Variants in RAI14 observed in about 807,000 individuals in gnomAD.
The protein encoded by RAI14 is retinoic acid induced 14.
RAI14 carries 45 observed loss-of-function variants against 115.4 expected under a neutral mutation model. The observed-to-expected ratio is 0.39, with a 90% CI of 0.31 to 0.50. The LOEUF (loss-of-function observed/expected upper bound fraction) is 0.50, where lower values mean the gene tolerates loss of function less well. Ranked by LOEUF, RAI14 falls within the 20% of genes least tolerant of loss-of-function variation. RAI14 has a pLI of 0.85. For synonymous variants in RAI14, 371 were observed against 415.4 expected (o/e 0.89, Z 1.30); for missense variants, 939 against 1,131.2 (o/e 0.83, Z 2.44).
chr5:34,718,985 C>T (rs1428602531), intron 2 of RAI14, among the ~76,000 whole-genome samples: 4 of 152,174 alleles, frequency 2.6e-5, no homozygotes, highest in Non-Finnish European at 4.4e-5. Flanking sequence ...TTCATTTAGC[C>T]GGTACTGTAT....
At chr5:34,775,937 G>T (rs1198976513) in intron 3 of RAI14, among the ~76,000 whole-genome samples, 1 of 152,146 alleles carries the variant, frequency 6.6e-6, no homozygotes, top group Non-Finnish European at 1.5e-5. Flanking sequence ...CAAAAGAATG[G>T]AAATTGCTAT....
intron 13 of RAI14, among the ~76,000 whole-genome samples, chr5:34,821,194 T>A (rs1756788422): frequency 6.6e-6 from 1 of 152,202 alleles, no homozygotes; most frequent in Non-Finnish European, 1.5e-5. Flanking sequence ...CCCAGAGGAA[T>A]GACCCAATCA....
intron 2 of RAI14, among the ~76,000 whole-genome samples, chr5:34,731,053 C>G (rs1038461790): frequency 9.2e-5 from 14 of 152,082 alleles, no homozygotes; most frequent in Admixed American, 9.2e-4. Context: ...CATAAGGCTA[C>G]CTTTGATGTA....
rs142833659 is a variant in RAI14 at position 34,680,520 on chromosome 5, A to G, written c.-48-6352A>G. On this transcript the variant is annotated intron_variant, in intron 1 of 17. Coordinates refer to ENST00000265109, the MANE Select transcript of RAI14 (RefSeq NM_015577.3). ...TCATTCTTAAAGTCTTCATCCCTTA[A>G]TACTATTACATTGGCAATTAAGTTT... Among the ~76,000 whole-genome samples the G allele has an allele frequency of 4.3e-4, 65 of 152,348 alleles. No homozygotes were observed. The East Asian group carries it at 0.011, about 27-fold the overall frequency.
intron 2 of RAI14, among the ~76,000 whole-genome samples, chr5:34,713,124 T>G (rs1057465757): frequency 6.6e-6 from 1 of 152,190 alleles, no homozygotes; most frequent in African/African-American, 2.4e-5. Context: ...GTGCCACTTG[T>G]ACCCAACATT....
chr5:34,752,185 T>C (rs1747116416), intron 2 of RAI14, among the ~76,000 whole-genome samples: 1 of 150,208 alleles, frequency 6.7e-6, no homozygotes, highest in Non-Finnish European at 1.5e-5. Context: ...AAATTGGCCT[T>C]TTAAAAAAGT....
intron 2 of RAI14, among the ~76,000 whole-genome samples, chr5:34,728,366 G>C (rs1743743639): frequency 6.6e-6 from 1 of 152,146 alleles, no homozygotes; most frequent in Non-Finnish European, 1.5e-5. Flanking sequence ...CATGAGATTT[G>C]GGAGGGGCCA....
intron 4 of RAI14, among the ~76,000 whole-genome samples, chr5:34,798,046 T>C (rs1753740803): frequency 6.6e-6 from 1 of 152,254 alleles, no homozygotes; most frequent in Non-Finnish European, 1.5e-5. Flanking sequence ...TTTTGTTTGT[T>C]TGTTTTTGAG....
At chr5:34,687,757 C>T (rs1421777304) in intron 2 of RAI14, 4 of 1,544,560 alleles carry the variant, frequency 2.6e-6, no homozygotes, top group African/African-American at 1.4e-5. Context: ...GTTCAGCTAT[C>T]ATTTCAGGCG....
Position 34,826,462 on chromosome 5 carries a change from C to G in RAI14, c.2782C>G (p.Leu928Val). The G allele has an allele frequency of 6.2e-7, 1 of 1,613,662 alleles. No individual in the cohort carries two copies. Among genetic ancestry groups the G allele is most frequent in the Non-Finnish European group, 8.5e-7 (1 of 1,179,772 alleles). The change falls in exon 16 of 18, where the codon CTC becomes GTC. Residue 928 changes from leucine (L) to valine (V), a missense_variant. Coordinates refer to ENST00000265109, the MANE Select transcript of RAI14 (RefSeq NM_015577.3). ...GGCGCTGCAGCAGCAAGTCAAACAG[C>G]TCCAGAACCAGCTGGCGGTGAGTGG... ...LEALQQQVKQ[L>V]QNQLAECKKQ...
At chr5:34,808,528 C>A (rs1240119750) in intron 6 of RAI14, 56 bp from the exon 7 acceptor site, 8 of 1,487,332 alleles carry the variant, frequency 5.4e-6, no homozygotes, top group East Asian at 2.3e-5. Flanking sequence ...ATCTGATACC[C>A]CTGGTTGTGA....
At chr5:34,724,289 T>TA (rs1002703473) in intron 2 of RAI14, among the ~76,000 whole-genome samples, 3 of 152,162 alleles carry the variant, frequency 2.0e-5, no homozygotes, top group African/African-American at 7.2e-5. Context: ...GTGCTGGGAT[T>TA]ACAGGTGTGA....
rs764589511 is a variant in RAI14, at chr5:34,823,086, T to C, written c.1244T>C (p.Val415Ala). 6.2e-7 allele frequency: 1 copy of C among 1,612,906 alleles called. No individual in the cohort carries two copies. Among genetic ancestry groups the C allele is most frequent in the East Asian group, 2.2e-5 (1 of 44,862 alleles). The stretch of plus-strand genomic sequence containing the variant: ...CCAGACTCCAAATCATCTCCATCTG[T>C]CTTAATACATTCTTTAGGTAAATCC... ...SPPDSKSSPS[V>A]LIHSLGKSTT... Residue 415 changes from valine to alanine, a missense_variant, in exon 15 of 18, where the codon GTC (valine) becomes GCC (alanine). Coordinates refer to ENST00000265109, the MANE Select transcript of RAI14 (RefSeq NM_015577.3). This position sits in a 1 kb window ranked among gnomAD's most constrained non-coding sequence, Gnocchi z 4.5.
chr5:34,659,655 T>TC (rs780802682), intron 1 of RAI14, among the ~76,000 whole-genome samples: 2 of 152,210 alleles, frequency 1.3e-5, no homozygotes, highest in Non-Finnish European at 2.9e-5. Context: ...ACAATAAACA[T>TC]CCTGAGATGT....
intron 14 of RAI14, among the ~76,000 whole-genome samples, chr5:34,822,587 G>A (rs1454395188): frequency 6.9e-6 from 1 of 145,960 alleles, no homozygotes; most frequent in Non-Finnish European, 1.5e-5. Flanking sequence ...AAGTGATCAT[G>A]CTACTCTCCC....
chr5:34,824,534 T>C, intron 15 of RAI14, 43 bp downstream of exon 15: 1 of 1,446,910 alleles, frequency 6.9e-7, no homozygotes, highest in Non-Finnish European at 9.2e-7. Flanking sequence ...GCAATAAGTC[T>C]TAGTCTCTTT....
chr5:34,739,152 T>C (rs1305785589), intron 2 of RAI14, among the ~76,000 whole-genome samples: 1 of 152,244 alleles, frequency 6.6e-6, no homozygotes, highest in African/African-American at 2.4e-5. Flanking sequence ...CCATACCAGC[T>C]AACACTTACT....
At chr5:34,694,829 T>A (rs1306138031) in intron 2 of RAI14, among the ~76,000 whole-genome samples, 1 of 152,196 alleles carries the variant, frequency 6.6e-6, no homozygotes, top group African/African-American at 2.4e-5. Context: ...ACTTTTCAGA[T>A]TTAGGCTATG....
At chr5:34,807,319 T>C (rs749408267) in intron 5 of RAI14, among the ~76,000 whole-genome samples, 7 of 152,136 alleles carry the variant, frequency 4.6e-5, no homozygotes, top group Non-Finnish European at 5.9e-5. Context: ...TTATCGTCAT[T>C]GGAAACATGA....
Sources: gnomAD v4.1 joint callset for allele counts (sites outside exome capture counted in the v4.1 genomes callset) on GRCh38, gnomAD v4.1.1 for gene constraint, Gnocchi (gnomAD v3.1) non-coding constraint, MANE v1.5 for transcripts, NCBI Gene and HGNC (gene_info 2026-07-23, HGNC 2026-07-21) for gene names.